Variants in ZNF385D observed in about 807,000 individuals in gnomAD.
The protein encoded by ZNF385D is zinc finger protein 659.
ZNF385D carries 15 observed loss-of-function variants against 35.8 expected under a neutral mutation model. That is an observed-to-expected ratio of 0.42 (90% confidence interval 0.28 to 0.64). The LOEUF (loss-of-function observed/expected upper bound fraction) is 0.64, where lower values mean the gene tolerates loss of function less well. ZNF385D is among the 30% of genes least tolerant of loss of function. ZNF385D has a pLI of 0.23. For synonymous variants in ZNF385D, 212 were observed against 186.8 expected, an observed-to-expected ratio of 1.13 and a Z score of -1.10; for missense variants, 474 against 494.6, an observed-to-expected ratio of 0.96 and a Z score of 0.39.
chr3:22,305,953 T>C (rs1471005941), intron 2 of ZNF385D, among the ~76,000 whole-genome samples: 1 of 152,152 alleles, frequency 6.6e-6, no homozygotes, highest in Non-Finnish European at 1.5e-5. Context: ...CTAATTTTTC[T>C]AGTACGATTC....
At chr3:22,203,595 G>A (rs1167209920) in intron 2 of ZNF385D, among the ~76,000 whole-genome samples, 1 of 152,060 alleles carries the variant, frequency 6.6e-6, no homozygotes, top group Admixed American at 6.6e-5. Context: ...GGCATTTGTG[G>A]ACCCATCATG....
At chr3:21,919,780 T>A (rs1017070066) in intron 3 of ZNF385D, among the ~76,000 whole-genome samples, 31 of 152,222 alleles carry the variant, frequency 2.0e-4, no homozygotes, top group African/African-American at 7.5e-4. Flanking sequence ...TCAAATATTT[T>A]TAAGAAACTT....
intron 2 of ZNF385D, among the ~76,000 whole-genome samples, chr3:21,583,951 CTTATTTACTTATTTATTTAT>C (rs1405557513): frequency 7.5e-6 from 1 of 132,878 alleles, no homozygotes; most frequent in African/African-American, 2.7e-5. Flanking sequence ...ATTTATTTTA[CTTATTTACTTATTTATTTAT>C]TTATTTATTT....
At chr3:22,034,036 G>C (rs1381241965) in intron 3 of ZNF385D, among the ~76,000 whole-genome samples, 2 of 152,124 alleles carry the variant, frequency 1.3e-5, no homozygotes, top group South Asian at 4.1e-4. Flanking sequence ...AACCCTGTAA[G>C]TCCTGAGCAA....
At chr3:22,024,931 G>C (rs750003806) in intron 3 of ZNF385D, among the ~76,000 whole-genome samples, 1 of 152,132 alleles carries the variant, frequency 6.6e-6, no homozygotes, top group Admixed American at 6.6e-5. Flanking sequence ...TGTAGAGAAA[G>C]AGCTGAAATT....
chr3:21,875,872 T>A (rs948195415), intron 3 of ZNF385D, among the ~76,000 whole-genome samples: 3 of 152,104 alleles, frequency 2.0e-5, no homozygotes, highest in Non-Finnish European at 4.4e-5. Flanking sequence ...CAGCAAACAA[T>A]TTCCTACATC....
chr3:22,078,428 T>C (rs1700577775), intron 3 of ZNF385D, among the ~76,000 whole-genome samples: 1 of 152,056 alleles, frequency 6.6e-6, no homozygotes, highest in African/African-American at 2.4e-5. Context: ...TGTGAATGTG[T>C]CCTTCTCAAT....
At chr3:21,578,076 A>T (rs1197082010) in intron 2 of ZNF385D, among the ~76,000 whole-genome samples, 1 of 152,122 alleles carries the variant, frequency 6.6e-6, no homozygotes, top group East Asian at 1.9e-4. Context: ...CCGGCTTCCC[A>T]AAGTGCTGGG....
intron 3 of ZNF385D, among the ~76,000 whole-genome samples, chr3:22,132,727 A>G (rs934974484): frequency 1.3e-5 from 2 of 152,134 alleles, no homozygotes; most frequent in African/African-American, 2.4e-5. Context: ...CATAAGAGAT[A>G]GTAATATTAT....
At chr3:21,945,520 T>A (rs1407764767) in intron 3 of ZNF385D, among the ~76,000 whole-genome samples, 1 of 152,196 alleles carries the variant, frequency 6.6e-6, no homozygotes, top group Non-Finnish European at 1.5e-5. Flanking sequence ...TAATAATGCC[T>A]AGGGAGCTAT....
chr3:22,366,743 T>C (rs1696674766), intron 2 of ZNF385D, among the ~76,000 whole-genome samples: 1 of 152,218 alleles, frequency 6.6e-6, no homozygotes, highest in African/African-American at 2.4e-5. Flanking sequence ...AAAGGGTTTT[T>C]CATATGTTAT....
intron 3 of ZNF385D, among the ~76,000 whole-genome samples, chr3:21,953,418 T>C (rs1702153074): frequency 6.6e-6 from 1 of 152,068 alleles, no homozygotes; most frequent in Non-Finnish European, 1.5e-5. Context: ...ATTCATCTTT[T>C]ATGACTATAT....
chr3:22,160,843 G>T (rs1705904746), intron 3 of ZNF385D, among the ~76,000 whole-genome samples: 1 of 152,072 alleles, frequency 6.6e-6, no homozygotes, highest in Non-Finnish European at 1.5e-5. Context: ...GACACGGTAG[G>T]TCAACTTGTT....
At chr3:22,366,801 C>T (rs1696678000) in intron 2 of ZNF385D, among the ~76,000 whole-genome samples, 1 of 152,094 alleles carries the variant, frequency 6.6e-6, no homozygotes, top group African/African-American at 2.4e-5. Context: ...TAAGGGTAGG[C>T]TTTAAATGCA....
upstream of ZNF385D, among the ~76,000 whole-genome samples, chr3:21,753,349 G>C (rs1425898364): frequency 6.6e-6 from 1 of 152,108 alleles, no homozygotes; most frequent in Non-Finnish European, 1.5e-5. Flanking sequence ...TCAGGTAAAA[G>C]TCACCCCCAA....
chr3:22,186,888 A>C (rs1165510687), intron 2 of ZNF385D, among the ~76,000 whole-genome samples: 1 of 152,188 alleles, frequency 6.6e-6, no homozygotes, highest in Admixed American at 6.6e-5. Flanking sequence ...AAATGATTAT[A>C]AACACTTAAA....
chr3:21,893,588 T>C (rs573012663), intron 3 of ZNF385D, among the ~76,000 whole-genome samples: 1 of 152,274 alleles, frequency 6.6e-6, no homozygotes, highest in South Asian at 2.1e-4. Flanking sequence ...CATTGAATGT[T>C]TTCCCCCTGA....
chr3:22,212,562 C>T (rs1009854364), intron 2 of ZNF385D, among the ~76,000 whole-genome samples: 3 of 151,816 alleles, frequency 2.0e-5, no homozygotes, highest in Non-Finnish European at 2.9e-5. Flanking sequence ...GGTTTTATTC[C>T]CTCATCATTA....
chr3:22,103,563 G>C (rs13101224), intron 3 of ZNF385D, among the ~76,000 whole-genome samples: 3,067 of 152,136 alleles, frequency 0.02, 54 homozygotes, highest in Non-Finnish European at 0.029. Flanking sequence ...TGGCTTGTCT[G>C]AATTTTGATG....
Sources: allele counts gnomAD v4.1 joint callset (sites outside exome capture counted in the v4.1 genomes callset), GRCh38; gene constraint gnomAD v4.1.1; transcripts MANE v1.5; gene names NCBI Gene and HGNC (gene_info 2026-07-23, HGNC 2026-07-21).